FBXO42: variants seen among roughly 807,000 people sequenced by gnomAD.
The protein encoded by FBXO42 is F-box protein 42, also known as F-box only protein 42.
A neutral mutation model predicts 71.7 loss-of-function variants in FBXO42; 12 were observed. The ratio of observed to expected loss-of-function variants is 0.17; its 90% confidence interval spans 0.11 to 0.27. FBXO42 has a LOEUF of 0.27. FBXO42 is among the 10% of genes least tolerant of loss of function. The probability of loss-of-function intolerance (pLI) is 1.00; values close to 1 mark genes in which losing one functional copy is unlikely to be tolerated. For synonymous variants in FBXO42, 325 were observed against 327.5 expected, an observed-to-expected ratio of 0.99 and a Z score of 0.08; for missense variants, 707 against 911.9, an observed-to-expected ratio of 0.78 and a Z score of 2.89.
At chr1:16,257,871 G>A (rs2100438053) in intron 4 of FBXO42, among the ~76,000 whole-genome samples, 1 of 152,300 alleles carries the variant, frequency 6.6e-6, no homozygotes, top group South Asian at 2.1e-4. Flanking sequence ...AGTTGAGATG[G>A]GGTTTCACCA....
intron 1 of FBXO42, among the ~76,000 whole-genome samples, chr1:16,320,378 A>AC (rs1311047601): frequency 6.6e-6 from 1 of 151,352 alleles, no homozygotes; most frequent in Non-Finnish European, 1.5e-5. Flanking sequence ...AAAAAAAAAA[A>AC]ATCAAACCAT....
intron 7 of FBXO42, 64 bp from the exon 8 acceptor site, chr1:16,253,216 C>T (rs1188231279): frequency 3.4e-6 from 5 of 1,455,412 alleles, no homozygotes; most frequent in Non-Finnish European, 4.8e-6. Context: ...TTCTATGCTT[C>T]ACTGGTATAT....
chr1:16,303,856 C>T (rs1401241104), intron 3 of FBXO42, among the ~76,000 whole-genome samples: 1 of 152,178 alleles, frequency 6.6e-6, no homozygotes, highest in East Asian at 1.9e-4. Flanking sequence ...CGCCATTCTC[C>T]TGCTTCAGCC....
At chr1:16,313,769 C>T (rs930256351) in intron 2 of FBXO42, among the ~76,000 whole-genome samples, 1 of 152,138 alleles carries the variant, frequency 6.6e-6, no homozygotes. Context: ...CTTGTTCCCC[C>T]AGGAAAGAAC....
chr1:16,346,184 A>C (rs2082653021), intron 1 of FBXO42, among the ~76,000 whole-genome samples: 1 of 152,224 alleles, frequency 6.6e-6, no homozygotes, highest in Non-Finnish European at 1.5e-5. Context: ...GAAGAAATTT[A>C]TAATGAAAAG....
intron 4 of FBXO42, among the ~76,000 whole-genome samples, chr1:16,277,530 G>A (rs2081917452): frequency 6.6e-6 from 1 of 151,750 alleles, no homozygotes; most frequent in South Asian, 2.1e-4. Flanking sequence ...TTTGAGACCA[G>A]CCTGGCCAAC....
At chr1:16,253,251 A>T in intron 7 of FBXO42, 99 bp from the exon 8 acceptor site, 1 of 1,007,824 alleles carries the variant, frequency 9.9e-7, no homozygotes, top group South Asian at 1.6e-5. Flanking sequence ...TAGCTCCCAA[A>T]TGGGAATATT....
At chr1:16,352,225 C>G in intron 1 of FBXO42, 30 bp downstream of exon 1, 1 of 394,288 alleles carries the variant, frequency 2.5e-6, no homozygotes, top group Non-Finnish European at 4.5e-6. Flanking sequence ...CGGCTCCCCT[C>G]TGCGGCCCGG....
At chr1:16,350,123 ATT>A (rs1317361190) in intron 1 of FBXO42, among the ~76,000 whole-genome samples, 1 of 151,858 alleles carries the variant, frequency 6.6e-6, no homozygotes, top group Non-Finnish European at 1.5e-5. Context: ...ATCCTAAGCT[ATT>A]TTTTTTCTGA....
At chr1:16,292,222 C>T (rs2082086407) in intron 4 of FBXO42, 1 of 152,236 alleles carries the variant, frequency 6.6e-6, no homozygotes, top group Admixed American at 6.5e-5. Context: ...AGTTATTTCT[C>T]CAATATTTCT....
chr1:16,265,381 G>A (rs370538809), intron 4 of FBXO42, among the ~76,000 whole-genome samples: 6 of 152,098 alleles, frequency 3.9e-5, no homozygotes, highest in Admixed American at 2.0e-4. Flanking sequence ...ATGAGCTACC[G>A]TGCCCGGCCT....
chr1:16,340,973 G>T (rs555987468), intron 1 of FBXO42, among the ~76,000 whole-genome samples: 174 of 152,182 alleles, frequency 1.1e-3, no homozygotes, highest in African/African-American at 4.1e-3. Flanking sequence ...AAAATCAGCA[G>T]TAAAGCATTA....
chr1:16,251,481 G>A lies in FBXO42; in HGVS notation c.1343C>T (p.Thr448Met), dbSNP rs561367398. 23 of 1,614,108 alleles carry A rather than the reference G, an allele frequency of 1.4e-5. 1 individual carries two copies. The Admixed American group carries it at 2.3e-4, about 16-fold the overall frequency. ...CAAAGAAGAGCCACCCACAGCTGCC[G>A]TTCCTGGAGACAAACTCCCACCATT... is the stretch of plus-strand genomic sequence containing the variant. ...ILNGGSLSPG[T>M]AAVGGSSLDS... The change falls in exon 10 of 10, where the codon ACG becomes ATG. Residue 448 changes from threonine (T) to methionine (M), a missense_variant. Thr to Met is a moderately conservative substitution (Grantham distance 81). Around this residue, in one of 5 missense-constraint regions of FBXO42, gnomAD observed 482 missense variants for 587.1 expected, o/e 0.82. Coordinates refer to ENST00000375592, the MANE Select transcript of FBXO42 (RefSeq NM_018994.3). The surrounding 1 kb of genome is among the most constrained non-coding windows in gnomAD (Gnocchi z 4.5).
chr1:16,295,323 C>T (rs1470142114), intron 3 of FBXO42, among the ~76,000 whole-genome samples: 1 of 152,194 alleles, frequency 6.6e-6, no homozygotes, highest in South Asian at 2.1e-4. Context: ...TCCTTTCCTC[C>T]AATTCTCCTA....
chr1:16,259,815 C>A (rs1046867275), intron 4 of FBXO42, among the ~76,000 whole-genome samples: 8 of 150,432 alleles, frequency 5.3e-5, no homozygotes, highest in African/African-American at 1.7e-4. Flanking sequence ...AGAATATATA[C>A]CTTTTAAGGT....
chr1:16,307,172 A>G (rs2082260239), intron 2 of FBXO42, among the ~76,000 whole-genome samples: 1 of 152,124 alleles, frequency 6.6e-6, no homozygotes, highest in Non-Finnish European at 1.5e-5. Flanking sequence ...GACTACAGGT[A>G]TGAGCTACCA....
chr1:16,352,198 T>G, intron 1 of FBXO42, 57 bp downstream of exon 1: 1 of 387,156 alleles, frequency 2.6e-6, no homozygotes, highest in Non-Finnish European at 4.6e-6. Flanking sequence ...GTCCCGGGCA[T>G]AAAGGGCAGA....
At chr1:16,322,750 T>A (rs2082418795) in intron 1 of FBXO42, among the ~76,000 whole-genome samples, 1 of 152,170 alleles carries the variant, frequency 6.6e-6, no homozygotes, top group African/African-American at 2.4e-5. Flanking sequence ...AAACCTAGCA[T>A]AAGTCACACA....
intron 2 of FBXO42, among the ~76,000 whole-genome samples, chr1:16,310,342 T>C (rs563002650): frequency 3.6e-4 from 55 of 150,756 alleles, no homozygotes; most frequent in African/African-American, 1.3e-3. Context: ...GCCTGGGTGA[T>C]GGAGTGAGGT....
Sources: gnomAD v4.1 joint callset for allele counts (sites outside exome capture counted in the v4.1 genomes callset) on GRCh38, gnomAD v4.1.1 for gene constraint, gnomAD v4.1.1 regional missense constraint, Gnocchi (gnomAD v3.1) non-coding constraint, MANE v1.5 for transcripts, NCBI Gene and HGNC (gene_info 2026-07-23, HGNC 2026-07-21) for gene names.